STPG2: variants seen among roughly 807,000 people sequenced by gnomAD.
STPG2 encodes the protein sperm tail PG-rich repeat containing 2.
A neutral mutation model predicts 54.2 loss-of-function variants in STPG2; 56 were observed. The observed-to-expected ratio is 1.03, with a 90% CI of 0.83 to 1.29. STPG2 has a LOEUF of 1.29. Ranked by LOEUF, STPG2 falls within the 50% of genes most tolerant of loss-of-function variation. The pLI is 0.00. For missense variants in STPG2, 596 were observed against 544.9 expected, an observed-to-expected ratio of 1.09 and a Z score of -0.93; for synonymous variants, 200 against 181.8, an observed-to-expected ratio of 1.10 and a Z score of -0.81.
chr4:97,588,150 G>C (rs1415663250), intron 10 of STPG2, among the ~76,000 whole-genome samples: 1 of 151,798 alleles, frequency 6.6e-6, no homozygotes, highest in Non-Finnish European at 1.5e-5. Flanking sequence ...TGCCAAGGTG[G>C]GTAGATCACT....
intron 9 of STPG2, among the ~76,000 whole-genome samples, chr4:97,732,081 T>A (rs1188246963): frequency 6.6e-6 from 1 of 151,866 alleles, no homozygotes; most frequent in Non-Finnish European, 1.5e-5. Flanking sequence ...AAGACAGCCC[T>A]GCTCTCTCTC....
At chr4:97,557,440 A>G (rs752528868), downstream of STPG2, among the ~76,000 whole-genome samples, 4 of 152,178 alleles carry the variant, frequency 2.6e-5, no homozygotes, top group Admixed American at 6.5e-5. Flanking sequence ...CTATCTTATC[A>G]TCATCATGTA....
intron 4 of STPG2, among the ~76,000 whole-genome samples, chr4:97,495,943 A>G (rs762744963): frequency 6.6e-6 from 1 of 151,604 alleles, no homozygotes; most frequent in Non-Finnish European, 1.5e-5. Flanking sequence ...AAATTTTACT[A>G]TTGTGAGAAG....
intron 4 of STPG2, among the ~76,000 whole-genome samples, chr4:97,486,804 G>GGGGT (rs796162693): frequency 2.3e-5 from 3 of 130,836 alleles, no homozygotes; most frequent in African/African-American, 8.9e-5. Context: ...AAGAAACTGT[G>GGGGT]GTGTGTGTGT....
At chr4:98,029,150 T>C (rs1736517042) in intron 5 of STPG2, among the ~76,000 whole-genome samples, 1 of 152,168 alleles carries the variant, frequency 6.6e-6, no homozygotes, top group African/African-American at 2.4e-5. Context: ...ATATGCGTAT[T>C]ATGCATATTT....
chr4:97,453,732 G>T (rs983353172), intron 4 of STPG2, among the ~76,000 whole-genome samples: 3 of 152,084 alleles, frequency 2.0e-5, no homozygotes, highest in Admixed American at 2.0e-4. Flanking sequence ...GAATTAGTGT[G>T]GTATCATTGA....
At chr4:97,920,415 T>C (rs1732053965) in intron 8 of STPG2, among the ~76,000 whole-genome samples, 1 of 152,206 alleles carries the variant, frequency 6.6e-6, no homozygotes, top group Non-Finnish European at 1.5e-5. Context: ...ACTAGTATTT[T>C]ATGCTACTCG....
chr4:97,511,586 T>C (rs1396228736), intron 4 of STPG2, among the ~76,000 whole-genome samples: 4 of 151,984 alleles, frequency 2.6e-5, no homozygotes, highest in African/African-American at 7.2e-5. Flanking sequence ...ACAGTAACAC[T>C]TTTGAAGATT....
intron 10 of STPG2, among the ~76,000 whole-genome samples, chr4:97,703,851 T>G (rs2149000005): frequency 6.7e-6 from 1 of 150,358 alleles, no homozygotes; most frequent in East Asian, 1.9e-4. Flanking sequence ...TATTAAGTAT[T>G]AACTTACATA....
intron 7 of STPG2, among the ~76,000 whole-genome samples, chr4:97,966,958 G>C: frequency 6.6e-6 from 1 of 152,178 alleles, no homozygotes; most frequent in Middle Eastern, 3.4e-3. Context: ...CAACTAATGG[G>C]CAAAATAACC....
At position 97,636,254 on chromosome 4, in the gene STPG2, C is replaced by T. The variant is rs879555647; in HGVS notation, c.1320+76445G>A. Reference sequence around the variant, plus strand: ...TCCTGAATGACTACTGGGTACATAACGAAATGAAGGCAGAAATAAAGATGT... The same window carrying T: ...TCCTGAATGACTACTGGGTACATAATGAAATGAAGGCAGAAATAAAGATGT... On this transcript the variant is annotated intron_variant, in intron 10 of 10. Coordinates refer to ENST00000295268, the MANE Select transcript of STPG2 (RefSeq NM_174952.3). 4.3e-3 allele frequency among the ~76,000 whole-genome samples: 621 copies of T among 145,838 alleles called. 3 individuals carry two copies. The highest frequency in any genetic ancestry group is 0.022 in the South Asian group (93 of 4,264).
intron 7 of STPG2, among the ~76,000 whole-genome samples, chr4:97,964,552 A>T (rs1734018594): frequency 6.6e-6 from 1 of 152,232 alleles, no homozygotes; most frequent in African/African-American, 2.4e-5. Context: ...AATAAGTTTT[A>T]ATGAACATTA....
intron 3 of STPG2, among the ~76,000 whole-genome samples, chr4:98,125,004 T>C (rs1021623589): frequency 6.6e-6 from 1 of 152,230 alleles, no homozygotes; most frequent in Non-Finnish European, 1.5e-5. Context: ...GAAGTTTTCA[T>C]GTTGTGTTTT....
intron 4 of STPG2, among the ~76,000 whole-genome samples, chr4:97,479,419 A>C (rs1311232907): frequency 6.6e-6 from 1 of 151,994 alleles, no homozygotes; most frequent in Admixed American, 6.5e-5. Flanking sequence ...ACTCTTCTGC[A>C]TAAAAGATAA....
chr4:97,600,577 T>C (rs17026836), intron 10 of STPG2, among the ~76,000 whole-genome samples: 10,643 of 152,138 alleles, frequency 0.07, 1,043 homozygotes, highest in African/African-American at 0.22. Context: ...GAAGCTTAGA[T>C]TGGATTTTTA....
intron 10 of STPG2, among the ~76,000 whole-genome samples, chr4:97,565,432 C>T (rs187112154): frequency 6.6e-6 from 1 of 152,222 alleles, no homozygotes; most frequent in Non-Finnish European, 1.5e-5. Context: ...CTTCTCTCAA[C>T]TCGTCAAAGT....
chr4:98,062,088 C>A (rs1737679266), intron 5 of STPG2, among the ~76,000 whole-genome samples: 1 of 152,122 alleles, frequency 6.6e-6, no homozygotes, highest in African/African-American at 2.4e-5. Flanking sequence ...AAATGTGGTA[C>A]ATATACACCA....
intron 10 of STPG2, among the ~76,000 whole-genome samples, chr4:97,681,309 C>A (rs1285385069): frequency 6.6e-6 from 1 of 151,572 alleles, no homozygotes; most frequent in African/African-American, 2.4e-5. Flanking sequence ...CGATATAGAA[C>A]AAGAAAAAGA....
intron 3 of STPG2, among the ~76,000 whole-genome samples, chr4:98,118,368 G>T (rs1739580275): frequency 1.3e-5 from 2 of 152,032 alleles, no homozygotes; most frequent in African/African-American, 4.8e-5. Context: ...TGCAGTGATA[G>T]TTTACCAATT....
Sources: allele counts gnomAD v4.1 joint callset (sites outside exome capture counted in the v4.1 genomes callset), GRCh38; gene constraint gnomAD v4.1.1; transcripts MANE v1.5; gene names NCBI Gene and HGNC (gene_info 2026-07-23, HGNC 2026-07-21).